TMEM30A: variants seen among roughly 807,000 people sequenced by gnomAD.
TMEM30A encodes cell division cycle 50 P4-ATPase accessory subunit A.
TMEM30A carries 24 observed loss-of-function variants against 38.2 expected under a neutral mutation model. That is an observed-to-expected ratio of 0.63 (90% confidence interval 0.46 to 0.88). The LOEUF is 0.88. Among genes scored for constraint, TMEM30A ranks in the 40% least tolerant of loss-of-function variants. TMEM30A has a pLI of 0.00. For missense variants in TMEM30A, 370 were observed against 458.6 expected (o/e 0.81, Z 1.77); for synonymous variants, 145 against 161.6 (o/e 0.90, Z 0.78).
chr6:75,275,511 C>T (rs1482102903), intron 1 of TMEM30A, among the ~76,000 whole-genome samples: 5 of 152,196 alleles, frequency 3.3e-5, no homozygotes, highest in Non-Finnish European at 7.4e-5. Flanking sequence ...CATTTTCCTA[C>T]AATCTTCCCC....
intron 1 of TMEM30A, among the ~76,000 whole-genome samples, chr6:75,270,364 C>G (rs1175335571): frequency 6.6e-6 from 1 of 152,134 alleles, no homozygotes; most frequent in African/African-American, 2.4e-5. Flanking sequence ...TTGTGTCCCC[C>G]TAAATGTCCT....
At chr6:75,274,307 T>C (rs1209551426) in intron 1 of TMEM30A, among the ~76,000 whole-genome samples, 1 of 152,146 alleles carries the variant, frequency 6.6e-6, no homozygotes, top group African/African-American at 2.4e-5. Flanking sequence ...AAGCAGAAAG[T>C]AGCCTATCAT....
intron 1 of TMEM30A, among the ~76,000 whole-genome samples, chr6:75,276,251 C>A (rs550491879): frequency 6.6e-6 from 1 of 152,120 alleles, no homozygotes; most frequent in Non-Finnish European, 1.5e-5. Flanking sequence ...TTATAATAAA[C>A]GGGTAAACGT....
At chr6:75,267,128 G>A (rs1772083067) in intron 2 of TMEM30A, among the ~76,000 whole-genome samples, 1 of 152,126 alleles carries the variant, frequency 6.6e-6, no homozygotes, top group African/African-American at 2.4e-5. Context: ...GAATGGCAGT[G>A]TAAATGCAAA....
intron 1 of TMEM30A, among the ~76,000 whole-genome samples, chr6:75,271,619 C>A (rs1772170777): frequency 1.3e-5 from 2 of 152,112 alleles, no homozygotes; most frequent in Non-Finnish European, 1.5e-5. Context: ...TTTCATCTGA[C>A]CCTCACCAAA....
chr6:75,266,264 T>C (rs1488604262), intron 2 of TMEM30A, among the ~76,000 whole-genome samples: 3 of 152,220 alleles, frequency 2.0e-5, no homozygotes, highest in Non-Finnish European at 4.4e-5. Flanking sequence ...TTATATACAC[T>C]ATCATTTATT....
chr6:75,265,087 A>C, intron 3 of TMEM30A, 144 bp downstream of exon 3: 1 of 481,672 alleles, frequency 2.1e-6, no homozygotes, highest in South Asian at 2.2e-5. Flanking sequence ...ACAAAGTGAG[A>C]CTCCATCTCG....
At chr6:75,273,748 A>G (rs1162228476) in intron 1 of TMEM30A, among the ~76,000 whole-genome samples, 1 of 152,234 alleles carries the variant, frequency 6.6e-6, no homozygotes, top group Non-Finnish European at 1.5e-5. Context: ...GCCTTTAGAT[A>G]TGGATGGATA....
Position 75,254,947 on chromosome 6 carries a change from A to G in TMEM30A, c.*1155T>C, listed in dbSNP as rs1771843995. On this transcript the variant is annotated 3_prime_UTR_variant, in exon 7 of 7. Coordinates refer to ENST00000230461, the MANE Select transcript of TMEM30A (RefSeq NM_018247.4). ...ATACATATTATAATTTATCATGTAC[A>G]TACTCCAAAATCCCCATAATTTAAT... is the stretch of plus-strand genomic sequence containing the variant. The G allele has an allele frequency of 6.6e-6, 1 of 152,556 alleles. No individual in the cohort carries two copies. Among genetic ancestry groups the G allele is most frequent in the African/African-American group, 2.4e-5 (1 of 41,456 alleles). 9.5% of individuals were successfully genotyped at this position (152,556 alleles called of 1,614,324 possible). A position where few individuals can be genotyped will look rare whatever the true frequency, so the allele number is the denominator to read the frequency against.
intron 6 of TMEM30A, among the ~76,000 whole-genome samples, chr6:75,257,624 G>A (rs1771886743): frequency 6.6e-6 from 1 of 152,134 alleles, no homozygotes; most frequent in Non-Finnish European, 1.5e-5. Context: ...AAGTGGGTCT[G>A]TCTGTCCAAA....
At chr6:75,272,739 C>G (rs1258323588) in intron 1 of TMEM30A, 22 of 152,184 alleles carry the variant, frequency 1.4e-4, no homozygotes. Flanking sequence ...CACATCATCT[C>G]ATTTTAAAAA....
intron 6 of TMEM30A, 56 bp from the exon 7 acceptor site, chr6:75,256,351 A>T: frequency 2.0e-6 from 3 of 1,475,344 alleles, no homozygotes; most frequent in Non-Finnish European, 2.8e-6. Flanking sequence ...TTTAAAATAC[A>T]ATTTTAAAAG....
At chr6:75,284,291 C>G in intron 1 of TMEM30A, 111 bp downstream of exon 1, 2 of 1,016,436 alleles carry the variant, frequency 2.0e-6, no homozygotes, top group Non-Finnish European at 3.1e-6. Flanking sequence ...TGGTGGACGG[C>G]GCGAGGTCAG....
chr6:75,284,667 G>T lies in TMEM30A; in HGVS notation c.-29C>A. The T allele has an allele frequency of 1.2e-6, 2 of 1,607,436 alleles. No homozygotes were observed. The highest frequency in any genetic ancestry group is 2.7e-5 in the African/African-American group (2 of 75,016). On this transcript the variant is annotated 5_prime_UTR_variant, in exon 1 of 7. Transcript: ENST00000230461. ...TCCCTGGGGCGCCGCTCCGCGATTT[G>T]CAGGTGGACCACCCAGGGGGCCCGC...
At chr6:75,269,556 C>A (rs768984477) in intron 1 of TMEM30A, among the ~76,000 whole-genome samples, 1 of 152,220 alleles carries the variant, frequency 6.6e-6, no homozygotes, top group Non-Finnish European at 1.5e-5. Flanking sequence ...TGAAGGACAT[C>A]TTGGTTGCTT....
chr6:75,268,871 T>A (rs1227389601), intron 1 of TMEM30A, among the ~76,000 whole-genome samples: 1 of 152,200 alleles, frequency 6.6e-6, no homozygotes, highest in African/African-American at 2.4e-5. Flanking sequence ...CCCTTGAACC[T>A]GTGGAGTCTG....
chr6:75,263,235 G>A (rs532264798), intron 3 of TMEM30A, among the ~76,000 whole-genome samples: 10 of 152,326 alleles, frequency 6.6e-5, no homozygotes, highest in Admixed American at 4.6e-4. Flanking sequence ...TTTCTGTGAA[G>A]GTAATGGTGA....
rs763379987 is a variant in TMEM30A at position 75,258,799 on chromosome 6, G to A, written c.873C>T (p.Tyr291=). ...DLHPTLPAGR[Y]SLNVTYNYPV... is the part of the protein sequence containing the mutation. ...GGATACTGTATGTGACATTCAAAGA[G>A]TATCGGCCAGCTGGTAATGTTGGAT... Residue 291 remains tyrosine (Y), a synonymous_variant, in exon 6 of 7, where the codon TAC becomes TAT. Coordinates refer to ENST00000230461, the MANE Select transcript of TMEM30A (RefSeq NM_018247.4). 111 of 1,613,658 alleles carry A rather than the reference G, an allele frequency of 6.9e-5. No homozygotes were observed. The highest frequency in any genetic ancestry group is 9.4e-5 in the Non-Finnish European group (111 of 1,179,766).
At chr6:75,280,724 A>G (rs1187848103) in intron 1 of TMEM30A, among the ~76,000 whole-genome samples, 2 of 152,156 alleles carry the variant, frequency 1.3e-5, no homozygotes, top group African/African-American at 4.8e-5. Context: ...CTTAATTTCC[A>G]AAAGTCAGCT....
Sources: allele counts gnomAD v4.1 joint callset (sites outside exome capture counted in the v4.1 genomes callset), GRCh38; gene constraint gnomAD v4.1.1; transcripts MANE v1.5; gene names NCBI Gene and HGNC (gene_info 2026-07-23, HGNC 2026-07-21).